The following PHAX variants were observed in gnomAD, a reference collection of about 807,000 sequenced individuals.
PHAX encodes phosphorylated adaptor for RNA export, also known as phosphorylated adapter RNA export protein.
PHAX carries 31 observed loss-of-function variants against 41.6 expected under a neutral mutation model. The observed-to-expected ratio is 0.75, with a 90% CI of 0.56 to 1.01. PHAX has a LOEUF of 1.01. PHAX is among the 50% of genes least tolerant of loss of function. The pLI, the probability that PHAX is intolerant of heterozygous loss-of-function variation, is 0.00. For missense variants in PHAX, 453 were observed against 472.9 expected (o/e 0.96, Z 0.39); for synonymous variants, 175 against 164.9 (o/e 1.06, Z -0.47).
rs1211590625 is a variant in PHAX at position 126,603,646 on chromosome 5, G to A, written c.173G>A (p.Arg58Gln). Reference protein sequence around the residue: ...ATACAPVSHYRAVESVDSSEE... With the variant: ...ATACAPVSHYQAVESVDSSEE... Reference sequence around the variant, plus strand: ...GCATGTGCACCAGTATCACATTATCGAGCTGTTGAAAGTGTGGATTCAAGT... The same window carrying A: ...GCATGTGCACCAGTATCACATTATCAAGCTGTTGAAAGTGTGGATTCAAGT... Residue 58 changes from arginine (R) to glutamine (Q), a missense_variant, in exon 2 of 5, where the codon CGA becomes CAA. Physicochemically the swap from Arg to Gln is conservative, Grantham distance 43 (BLOSUM62 1). Transcript: ENST00000297540. The A allele has an allele frequency of 1.9e-6, 3 of 1,614,068 alleles. No individual in the cohort carries two copies. The highest frequency in any genetic ancestry group is 2.7e-5 in the African/African-American group (2 of 75,014).
rs1013093494 is a variant in PHAX, at chr5:126,610,769, C to T, written c.831+2285C>T. ...TTGCCCAGGCTGGAGTACAGTGGCG[C>T]GATCTCAGCTCACTGTATCCTCCAC... is the stretch of plus-strand genomic sequence containing the variant. On this transcript the variant is annotated intron_variant, in intron 3 of 4. Coordinates refer to ENST00000297540, the MANE Select transcript of PHAX (RefSeq NM_032177.4). 3.3e-5 allele frequency among the ~76,000 whole-genome samples: 5 copies of T among 152,192 alleles called. No homozygotes were observed. In the East Asian group the frequency reaches 5.8e-4, roughly 18 times the overall value.
chr5:126,601,921 C>T (rs183331815), intron 1 of PHAX, among the ~76,000 whole-genome samples: 227 of 152,342 alleles, frequency 1.5e-3, no homozygotes, highest in African/African-American at 5.1e-3. Flanking sequence ...CCTGCCTCGG[C>T]CTCCAAAAGT....
At chr5:126,621,654 C>G (rs572976834) in intron 4 of PHAX, among the ~76,000 whole-genome samples, 1 of 152,046 alleles carries the variant, frequency 6.6e-6, no homozygotes, top group South Asian at 2.1e-4. Context: ...GGTACATGAC[C>G]TCACAATTAA....
chr5:126,616,528 T>C (rs547263903), intron 3 of PHAX, among the ~76,000 whole-genome samples: 56 of 152,330 alleles, frequency 3.7e-4, no homozygotes, highest in Admixed American at 1.7e-3. Context: ...CATTCTAGTT[T>C]TATTTTGGAA....
At chr5:126,615,617 G>T (rs535287532) in intron 3 of PHAX, among the ~76,000 whole-genome samples, 3 of 151,128 alleles carry the variant, frequency 2.0e-5, no homozygotes, top group African/African-American at 7.3e-5. Flanking sequence ...AGAAGACTGT[G>T]ACATGCGTTA....
At chr5:126,615,501 T>C (rs529623272) in intron 3 of PHAX, among the ~76,000 whole-genome samples, 1 of 146,870 alleles carries the variant, frequency 6.8e-6, no homozygotes, top group Non-Finnish European at 1.5e-5. Flanking sequence ...CTTTTTCACA[T>C]TCTGTGCTTT....
chr5:126,601,112 C>T (rs1049778332), intron 1 of PHAX, 54 bp downstream of exon 1: 1 of 1,342,280 alleles, frequency 7.5e-7, no homozygotes, highest in Non-Finnish European at 1.0e-6. Flanking sequence ...AGCCTGGGCC[C>T]CGGGGAGCGC....
intron 4 of PHAX, among the ~76,000 whole-genome samples, chr5:126,619,673 C>T (rs1752239577): frequency 6.6e-6 from 1 of 151,184 alleles, no homozygotes. Flanking sequence ...TTCATTCATT[C>T]TTCTGTCTCC....
Position 126,607,388 on chromosome 5 carries a change from C to CTTT in PHAX, c.711-951_711-949dup, listed in dbSNP as rs58375322. 3.2e-3 allele frequency among the ~76,000 whole-genome samples: 271 copies of CTTT among 85,390 alleles called. 25 individuals carry two copies. The highest frequency in any genetic ancestry group is 0.011 in the African/African-American group (222 of 19,908). 56.0% of individuals were successfully genotyped at this position (85,390 alleles called of 152,430 possible). On this transcript the variant is annotated intron_variant, in intron 2 of 4. Transcript: ENST00000297540. Reference sequence around the variant, plus strand: ...AAACAAAGGGTGCCAGGTCTGAATTCTTTTTTTTTTTTTTTTTTTTTTTTT... The same window carrying CTTT: ...AAACAAAGGGTGCCAGGTCTGAATTCTTTTTTTTTTTTTTTTTTTTTTTTTTTT...
intron 3 of PHAX, among the ~76,000 whole-genome samples, chr5:126,613,370 A>G (rs1342671882): frequency 1.3e-5 from 2 of 152,164 alleles, no homozygotes; most frequent in African/African-American, 2.4e-5. Context: ...AAACAAGCCA[A>G]TTTATATGAC....
intron 3 of PHAX, among the ~76,000 whole-genome samples, chr5:126,608,829 A>T (rs1314319901): frequency 6.6e-6 from 1 of 151,636 alleles, no homozygotes; most frequent in Non-Finnish European, 1.5e-5. Context: ...GCAGCTACTC[A>T]GGAGGCTGAG....
chr5:126,611,489 C>T (rs1180192527), intron 3 of PHAX, among the ~76,000 whole-genome samples: 1 of 151,988 alleles, frequency 6.6e-6, no homozygotes, highest in African/African-American at 2.4e-5. Context: ...AATATAACTT[C>T]AAGTATGTTA....
chr5:126,618,314 C>T (rs1011681816), intron 4 of PHAX, among the ~76,000 whole-genome samples: 3 of 151,820 alleles, frequency 2.0e-5, no homozygotes, highest in East Asian at 1.9e-4. Flanking sequence ...TTTGAACAAG[C>T]GTAAGGGCAG....
intron 2 of PHAX, among the ~76,000 whole-genome samples, chr5:126,606,909 G>A (rs929280591): frequency 1.3e-5 from 2 of 151,794 alleles, no homozygotes; most frequent in African/African-American, 2.4e-5. Context: ...CACCCCCTTC[G>A]ACCTCCCAAA....
chr5:126,610,926 T>C (rs1265234956), intron 3 of PHAX, among the ~76,000 whole-genome samples: 1 of 152,144 alleles, frequency 6.6e-6, no homozygotes. Flanking sequence ...AGGCTGGTTT[T>C]GAACTTGTGA....
chr5:126,602,370 C>G (rs1404631357), intron 1 of PHAX, among the ~76,000 whole-genome samples: 9 of 152,264 alleles, frequency 5.9e-5, no homozygotes, highest in Non-Finnish European at 1.2e-4. Context: ...GTGTGACCTA[C>G]AGCAGGTTTA....
intron 4 of PHAX, among the ~76,000 whole-genome samples, chr5:126,622,085 C>G (rs573026526): frequency 6.6e-6 from 1 of 152,136 alleles, no homozygotes; most frequent in South Asian, 2.1e-4. Flanking sequence ...TCCCAAGTAG[C>G]TGGGATTACA....
At chr5:126,606,195 ATTGT>A (rs376102342) in intron 2 of PHAX, among the ~76,000 whole-genome samples, 4,326 of 149,592 alleles carry the variant, frequency 0.029, 202 homozygotes, top group African/African-American at 0.098. Context: ...TGTTTTTTTG[ATTGT>A]TTGTTTGTTT....
chr5:126,601,020 A>G lies in PHAX; in HGVS notation c.58A>G (p.Met20Val). The change falls in exon 1 of 5, where the codon ATG (methionine) becomes GTG (valine). Residue 20 changes from methionine to valine, a missense_variant. Transcript: ENST00000297540. ...DGQLSDSDSDMTVAPSDRPLQ... is the reference protein window; with the variant it reads ...DGQLSDSDSDVTVAPSDRPLQ... ...GCAGCTTTCCGACTCGGATTCCGAC[A>G]TGACGGTCGCACCCAGCGACAGGCC... 2 of 1,606,952 alleles carry G rather than the reference A, an allele frequency of 1.2e-6. No homozygotes were observed. Among genetic ancestry groups the G allele is most frequent in the South Asian group, 1.1e-5 (1 of 90,770 alleles).
Sources: allele counts gnomAD v4.1 joint callset (sites outside exome capture counted in the v4.1 genomes callset), GRCh38; gene constraint gnomAD v4.1.1; transcripts MANE v1.5; gene names NCBI Gene and HGNC (gene_info 2026-07-23, HGNC 2026-07-21).